COX10: variants seen among roughly 807,000 people sequenced by gnomAD.
COX10 encodes the protein protoheme IX farnesyltransferase, mitochondrial.
In COX10, 27 loss-of-function variants were observed where a neutral mutation model predicts 37.3. The ratio of observed to expected loss-of-function variants is 0.72; its 90% CI spans 0.53 to 1.00. The LOEUF is 1.00. COX10 is among the 50% of genes least tolerant of loss of function. COX10 has a pLI of 0.00. For missense variants in COX10, 475 were observed against 563.2 expected (o/e 0.84, Z 1.59); for synonymous variants, 222 against 229.1 (o/e 0.97, Z 0.28).
At chr17:14,164,503 T>C (rs971477782) in intron 5 of COX10, among the ~76,000 whole-genome samples, 19 of 152,262 alleles carry the variant, frequency 1.2e-4, no homozygotes, top group African/African-American at 4.3e-4. Context: ...CAGAAATATC[T>C]TTTAAAGAAT....
At chr17:14,081,180 C>T (rs1010208570) in intron 3 of COX10, among the ~76,000 whole-genome samples, 1 of 152,192 alleles carries the variant, frequency 6.6e-6, no homozygotes, top group African/African-American at 2.4e-5. Flanking sequence ...GCCTGAAATG[C>T]TTACTGTCTG....
At chr17:14,104,142 T>C (rs1343799428) in intron 4 of COX10, among the ~76,000 whole-genome samples, 1 of 152,102 alleles carries the variant, frequency 6.6e-6, no homozygotes, top group Non-Finnish European at 1.5e-5. Flanking sequence ...AATTTCTCCA[T>C]CTTTTTGTAC....
intron 4 of COX10, among the ~76,000 whole-genome samples, chr17:14,159,406 A>G (rs1279074674): frequency 5.9e-5 from 9 of 152,196 alleles, no homozygotes. Flanking sequence ...CTTGAATGAC[A>G]TGGGTTTGAA....
intron 6 of COX10, among the ~76,000 whole-genome samples, chr17:14,205,651 C>A (rs1567614836): frequency 6.6e-6 from 1 of 152,236 alleles, no homozygotes; most frequent in Non-Finnish European, 1.5e-5. Context: ...AGCCCCCACC[C>A]TACTGCCTGT....
intron 5 of COX10, among the ~76,000 whole-genome samples, chr17:14,175,081 A>G (rs58903954): frequency 0.098 from 170 of 1,736 alleles, no homozygotes; most frequent in Non-Finnish European, 0.23. Flanking sequence ...ACTGGGAAAT[A>G]GCGGGGGGGG....
rs1453642917 is a variant in COX10, at chr17:14,177,152, C to T, written c.696-14837C>T. On this transcript the variant is annotated intron_variant, in intron 5 of 6. Coordinates refer to ENST00000261643, the MANE Select transcript of COX10 (RefSeq NM_001303.4). Reference sequence around the variant, plus strand: ...TCCTGCCAGCAGTCGCCAGGTGTCTCTCACACTGCTGGGAGAGGAATGTCT... The same window carrying T: ...TCCTGCCAGCAGTCGCCAGGTGTCTTTCACACTGCTGGGAGAGGAATGTCT... 8 of 649,806 alleles carry T rather than the reference C, an allele frequency of 1.2e-5. No homozygotes were observed. In the Admixed American group the frequency reaches 1.5e-4, roughly 13 times the overall value. The allele number at this position is 649,806 out of a possible 1,614,324, so 40.3% of individuals were successfully genotyped here.
chr17:14,133,829 A>G (rs116394409), intron 4 of COX10, among the ~76,000 whole-genome samples: 2 of 151,634 alleles, frequency 1.3e-5, no homozygotes. Context: ...GATTTTTATG[A>G]GTTTCAGTGT....
At chr17:14,124,197 G>C (rs532414837) in intron 4 of COX10, among the ~76,000 whole-genome samples, 5 of 152,250 alleles carry the variant, frequency 3.3e-5, no homozygotes, top group African/African-American at 1.2e-4. Flanking sequence ...TGTTAGACTT[G>C]ACAACTCTTT....
chr17:14,111,268 C>G (rs1212908757), intron 4 of COX10, among the ~76,000 whole-genome samples: 1 of 152,056 alleles, frequency 6.6e-6, no homozygotes, highest in Non-Finnish European at 1.5e-5. Flanking sequence ...AAATTACTTA[C>G]CTGTGTGATT....
rs547122190 is a variant in COX10, at chr17:14,156,464, G to A, written c.625-3413G>A. Among the ~76,000 whole-genome samples, 14 of 152,146 alleles carry A rather than the reference G, an allele frequency of 9.2e-5. No individual in the cohort carries two copies. In the East Asian group the frequency reaches 9.7e-4, roughly 11 times the overall value. On this transcript the variant is annotated intron_variant, in intron 4 of 6. Transcript: ENST00000261643. ...AGGGTGGTCTCCATCTCCTGAACTC[G>A]TGATCCGCCCCCCTTGGCCTCCCAA...
intron 5 of COX10, among the ~76,000 whole-genome samples, chr17:14,172,537 T>A (rs2142248879): frequency 6.6e-6 from 1 of 152,030 alleles, no homozygotes; most frequent in East Asian, 1.9e-4. Context: ...CATTTTCTCG[T>A]ATACCTTTTG....
chr17:14,142,343 C>T (rs1421361479), intron 4 of COX10, among the ~76,000 whole-genome samples: 1 of 152,208 alleles, frequency 6.6e-6, no homozygotes, highest in Non-Finnish European at 1.5e-5. Flanking sequence ...AAAACTGTGA[C>T]ACAGGCAGAC....
chr17:14,073,219 C>T (rs751738141), intron 1 of COX10, among the ~76,000 whole-genome samples: 9 of 152,142 alleles, frequency 5.9e-5, no homozygotes, highest in Non-Finnish European at 1.2e-4. Flanking sequence ...ATGCTGCTAT[C>T]GTTACCATAG....
intron 5 of COX10, chr17:14,177,026 A>G (rs942733372): frequency 1.3e-5 from 5 of 383,718 alleles, no homozygotes; most frequent in Non-Finnish European, 2.3e-5. Flanking sequence ...TGAGAAAAAA[A>G]TCAATGCAAT....
chr17:14,092,029 A>G (rs1915540067), intron 3 of COX10, among the ~76,000 whole-genome samples: 1 of 152,264 alleles, frequency 6.6e-6, no homozygotes, highest in Middle Eastern at 3.4e-3. Context: ...ATTTTTGGTT[A>G]TTGAGTATAT....
intron 3 of COX10, among the ~76,000 whole-genome samples, chr17:14,083,604 G>C (rs1315118912): frequency 1.3e-5 from 2 of 152,218 alleles, no homozygotes; most frequent in African/African-American, 4.8e-5. Flanking sequence ...TGGGTTAGTG[G>C]GTAGCAGCAG....
intron 4 of COX10, among the ~76,000 whole-genome samples, chr17:14,112,488 T>G (rs9783804): frequency 0.062 from 9,506 of 152,192 alleles, 1,044 homozygotes; most frequent in African/African-American, 0.22. Flanking sequence ...ATTGATTACT[T>G]TTGCTGGAGA....
intron 5 of COX10, among the ~76,000 whole-genome samples, chr17:14,175,174 T>C (rs2142251489): frequency 8.9e-6 from 1 of 112,428 alleles, no homozygotes; most frequent in East Asian, 2.4e-4. Context: ...TATATCTTGA[T>C]TGTGGTGGTG....
chr17:14,095,485 G>T (rs535294016), intron 3 of COX10, among the ~76,000 whole-genome samples: 38 of 152,272 alleles, frequency 2.5e-4, no homozygotes, highest in Admixed American at 2.2e-3. Flanking sequence ...CCTCTGTGTT[G>T]CTGGTAGACT....
Sources: gnomAD v4.1 joint callset for allele counts (sites outside exome capture counted in the v4.1 genomes callset) on GRCh38, gnomAD v4.1.1 for gene constraint, MANE v1.5 for transcripts, NCBI Gene and HGNC (gene_info 2026-07-23, HGNC 2026-07-21) for gene names.